Variants in CRAMP1 observed in about 807,000 individuals in gnomAD.
CRAMP1 encodes cramped chromatin regulator 1, also known as protein cramped-like.
Under a neutral mutation model 115.4 loss-of-function variants are expected in CRAMP1, and 50 were observed. The ratio of observed to expected loss-of-function variants is 0.43; its 90% confidence interval spans 0.35 to 0.55. The LOEUF (loss-of-function observed/expected upper bound fraction) is 0.55, where lower values mean the gene tolerates loss of function less well. Ranked by LOEUF, CRAMP1 falls within the 20% of genes least tolerant of loss-of-function variation. The pLI is 0.01. For missense variants in CRAMP1, 1,679 were observed against 1,721.7 expected, an observed-to-expected ratio of 0.98 and a Z score of 0.44; for synonymous variants, 866 against 745.4, an observed-to-expected ratio of 1.16 and a Z score of -2.64.
chr16:1,650,822 G>A (rs57994715), intron 6 of CRAMP1, among the ~76,000 whole-genome samples: 3,365 of 152,328 alleles, frequency 0.022, 231 homozygotes, highest in Admixed American at 0.13. Flanking sequence ...GCAGAAAGCC[G>A]TAAAAACAAG....
chr16:1,616,248 C>T (rs1360684793), intron 2 of CRAMP1, among the ~76,000 whole-genome samples: 1 of 152,196 alleles, frequency 6.6e-6, no homozygotes, highest in Non-Finnish European at 1.5e-5. Flanking sequence ...ACAGGTATGT[C>T]TAAGCTCATA....
rs371601119 is a variant in CRAMP1 at position 1,674,039 on chromosome 16, C to G, written c.3804C>G (p.Ser1268=). 1.1e-5 allele frequency: 17 copies of G among 1,611,692 alleles called. No homozygotes were observed. The highest frequency in any genetic ancestry group is 1.7e-5 in the Admixed American group (1 of 59,950). The stretch of plus-strand genomic sequence containing the variant: ...GCGGCCCCGCTGTCAGTGACCTGTC[C>G]CAGTGACCACACGTCCTGGTGGCGG... The part of the protein sequence containing the change: ...GGGGPAVSDL[S]Q The change falls in exon 21 of 21, where the codon TCC becomes TCG. Residue 1268 remains serine (S), a synonymous_variant. Coordinates refer to ENST00000397412, the MANE Select transcript of CRAMP1 (RefSeq NM_020825.4).
chr16:1,667,877 G>A, intron 17 of CRAMP1, 85 bp from the exon 18 acceptor site: 1 of 839,630 alleles, frequency 1.2e-6, no homozygotes, highest in Non-Finnish European at 1.9e-6. Context: ...TTGCCTGCAA[G>A]CTAGGAGAGT....
Position 1,666,124 on chromosome 16 carries a change from C to T in CRAMP1, c.2804C>T (p.Ser935Phe). Residue 935 changes from serine to phenylalanine, a missense_variant, in exon 15 of 21, where the codon TCT (serine) becomes TTT (phenylalanine). Transcript: ENST00000397412. The surrounding 1 kb of genome is among the most constrained non-coding windows in gnomAD (Gnocchi z 5.0). The part of the protein sequence containing the change: ...IQSSLTKAAL[S>F]RPIVPKVLPP... ...TCTTCTCTGACCAAAGCAGCTCTGT[C>T]TCGGCCGATCGTGCCCAAGGTCCTT... 1 of 1,611,990 alleles carries T rather than the reference C, an allele frequency of 6.2e-7. No individual in the cohort carries two copies. Among genetic ancestry groups the T allele is most frequent in the Non-Finnish European group, 8.5e-7 (1 of 1,179,186 alleles).
chr16:1,649,160 G>A lies in CRAMP1; in HGVS notation c.828-3336G>A, dbSNP rs149668127. Among the ~76,000 whole-genome samples, 999 of 152,294 alleles carry A rather than the reference G, an allele frequency of 6.6e-3. 5 individuals are homozygous for A. Among genetic ancestry groups the A allele is most frequent in the Non-Finnish European group, 0.011 (725 of 68,022 alleles). On this transcript the variant is annotated intron_variant, in intron 6 of 20. Coordinates refer to ENST00000397412, the MANE Select transcript of CRAMP1 (RefSeq NM_020825.4). Reference sequence around the variant, plus strand: ...GACAGAAAATCTGTACAGACAGAAAGGGGGTGAGGGCATGGAAGTTTTTTT... The same window carrying A: ...GACAGAAAATCTGTACAGACAGAAAAGGGGTGAGGGCATGGAAGTTTTTTT...
At chr16:1,668,601 T>G (rs777564008) in intron 18 of CRAMP1, among the ~76,000 whole-genome samples, 9 of 152,220 alleles carry the variant, frequency 5.9e-5, no homozygotes, top group Non-Finnish European at 1.3e-4. Context: ...GGCAGTGGTT[T>G]GTTGTTCACT....
chr16:1,647,033 A>T, intron 6 of CRAMP1: 1 of 702,932 alleles, frequency 1.4e-6, no homozygotes, highest in South Asian at 1.5e-5. Flanking sequence ...TCGTATTTAC[A>T]AACAAACAGG....
chr16:1,666,327 T>C lies in CRAMP1; in HGVS notation c.2858-95T>C. ...TAAGCCCTTGGCTCTTGCATTGACATGAGGTGCGAGGGAGAAGCTGTTCCC... is the reference window on the plus strand; with the variant it reads ...TAAGCCCTTGGCTCTTGCATTGACACGAGGTGCGAGGGAGAAGCTGTTCCC... On this transcript the variant is annotated intron_variant, in intron 15 of 20. Transcript: ENST00000397412. This position sits in a 1 kb window ranked among gnomAD's most constrained non-coding sequence, Gnocchi z 5.0. 1.6e-6 allele frequency: 2 copies of C among 1,280,570 alleles called. No individual in the cohort carries two copies. Among genetic ancestry groups the C allele is most frequent in the Non-Finnish European group, 2.2e-6 (2 of 907,892 alleles). The allele number at this position is 1,280,570 out of a possible 1,614,324, so 79.3% of individuals were successfully genotyped here.
intron 10 of CRAMP1, 50 bp downstream of exon 10, chr16:1,657,042 C>T: frequency 2.8e-6 from 4 of 1,437,934 alleles, no homozygotes; most frequent in African/African-American, 1.4e-5. Flanking sequence ...GAAGCCAGGC[C>T]CAGCCTTGGA....
chr16:1,651,225 C>T (rs959997634), intron 6 of CRAMP1, among the ~76,000 whole-genome samples: 1 of 147,878 alleles, frequency 6.8e-6, no homozygotes, highest in Non-Finnish European at 1.5e-5. Flanking sequence ...ACTCAGAGGT[C>T]ACAGAGTTGG....
At chr16:1,657,085 G>T (rs1456068294) in intron 10 of CRAMP1, 93 bp downstream of exon 10, 2 of 1,187,700 alleles carry the variant, frequency 1.7e-6, no homozygotes, top group Non-Finnish European at 2.3e-6. Flanking sequence ...GGCCAGCACG[G>T]TTGGGGTCCA....
At chr16:1,641,463 CAG>C (rs1443987645) in intron 6 of CRAMP1, among the ~76,000 whole-genome samples, 1 of 152,190 alleles carries the variant, frequency 6.6e-6, no homozygotes, top group Non-Finnish European at 1.5e-5. Flanking sequence ...ACGCAGCACT[CAG>C]GGCCCTGCTT....
chr16:1,629,196 C>T (rs187535373), intron 3 of CRAMP1, among the ~76,000 whole-genome samples: 9 of 152,372 alleles, frequency 5.9e-5, no homozygotes, highest in African/African-American at 1.9e-4. Flanking sequence ...CCTTCTCCCT[C>T]TCTGCATAAT....
rs571852657 is a variant in CRAMP1, at chr16:1,633,342, C to T, written c.694+977C>T. On this transcript the variant is annotated intron_variant, in intron 4 of 20. Coordinates refer to ENST00000397412, the MANE Select transcript of CRAMP1 (RefSeq NM_020825.4). ...GGCCGCAGACACCCCCTGCCCACCA[C>T]GCAGCTAGCTTCTCCACTGAAGAAC... Among the ~76,000 whole-genome samples, 52 of 152,364 alleles carry T rather than the reference C, an allele frequency of 3.4e-4. 1 individual carries two copies. Among genetic ancestry groups the T allele is most frequent in the African/African-American group, 1.1e-3 (47 of 41,582 alleles).
chr16:1,632,366 G>A lies in CRAMP1; in HGVS notation c.694+1G>A. On this transcript the variant is annotated splice_donor_variant, in intron 4 of 20. Coordinates refer to ENST00000397412, the MANE Select transcript of CRAMP1 (RefSeq NM_020825.4). LOFTEE classifies it high-confidence loss of function. ...ACCAAGTACATCGACTTTGATCATGGTGAGTGTGCCACGGGCCAGGCTCGG... is the reference window on the plus strand; with the variant it reads ...ACCAAGTACATCGACTTTGATCATGATGAGTGTGCCACGGGCCAGGCTCGG... The A allele has an allele frequency of 6.3e-7, 1 of 1,587,528 alleles. No homozygotes were observed. The highest frequency in any genetic ancestry group is 8.6e-7 in the Non-Finnish European group (1 of 1,167,434).
chr16:1,635,757 C>T, intron 4 of CRAMP1, among the ~76,000 whole-genome samples: 1 of 152,188 alleles, frequency 6.6e-6, no homozygotes, highest in East Asian at 1.9e-4. Flanking sequence ...GTTATGCAGC[C>T]ATTGCCACTC....
rs1447328370 is a variant in CRAMP1 at position 1,665,096 on chromosome 16, A to G, written c.2710A>G (p.Asn904Asp). The change falls in exon 14 of 21, where the codon AAC (asparagine) becomes GAC (aspartate). Residue 904 changes from asparagine (N) to aspartate (D), a missense_variant. Physicochemically the swap from Asn to Asp is conservative, Grantham distance 23. This residue lies in a region of CRAMP1 where 709 missense variants were observed against 741.9 expected (regional missense o/e 0.96). Transcript: ENST00000397412. The stretch of plus-strand genomic sequence containing the variant: ...TAGACCATCGGAAAACCAGTCCCAC[A>G]ACGTTTGTTCCTTCTCCATCCTGTC... ...LPRPSENQSH[N>D]VCSFSILSNS... 6.2e-7 allele frequency: 1 copy of G among 1,613,240 alleles called. No individual in the cohort carries two copies. Among genetic ancestry groups the G allele is most frequent in the Non-Finnish European group, 8.5e-7 (1 of 1,179,390 alleles).
chr16:1,622,950 A>G (rs1252539102), intron 2 of CRAMP1, among the ~76,000 whole-genome samples: 2 of 151,968 alleles, frequency 1.3e-5, no homozygotes, highest in African/African-American at 4.8e-5. Context: ...TAGTAGAGAC[A>G]GGGTTTCACC....
At chr16:1,647,348 AT>A (rs1320510185) in intron 6 of CRAMP1, among the ~76,000 whole-genome samples, 1 of 152,214 alleles carries the variant, frequency 6.6e-6, no homozygotes, top group Non-Finnish European at 1.5e-5. Context: ...AAGAGAATAA[AT>A]GTATCCGAAA....
Sources: gnomAD v4.1 joint callset for allele counts (sites outside exome capture counted in the v4.1 genomes callset) on GRCh38, gnomAD v4.1.1 for gene constraint, gnomAD v4.1.1 regional missense constraint, Gnocchi (gnomAD v3.1) non-coding constraint, MANE v1.5 for transcripts, NCBI Gene and HGNC (gene_info 2026-07-23, HGNC 2026-07-21) for gene names.